Variants in AGBL1 observed in about 807,000 individuals in gnomAD.
The protein encoded by AGBL1 is cytosolic carboxypeptidase 4.
Under a neutral mutation model 118.9 loss-of-function variants are expected in AGBL1, and 130 were observed. The ratio of observed to expected loss-of-function variants is 1.09; its 90% confidence interval spans 0.95 to 1.26. AGBL1 has a LOEUF of 1.26. Among genes scored for constraint, AGBL1 ranks in the 50% most tolerant of loss-of-function variants. The pLI is 0.00. For missense variants in AGBL1, 1,584 were observed against 1,298.1 expected, an observed-to-expected ratio of 1.22 and a Z score of -3.38; for synonymous variants, 555 against 478.9, an observed-to-expected ratio of 1.16 and a Z score of -2.08.
intron 17 of AGBL1, among the ~76,000 whole-genome samples, chr15:86,346,172 G>A (rs552917129): frequency 1.3e-5 from 2 of 151,442 alleles, no homozygotes; most frequent in African/African-American, 4.8e-5. Flanking sequence ...TAGTAGAGAC[G>A]GGGTTTCACC....
chr15:86,223,045 C>T (rs1375282539), intron 5 of AGBL1, among the ~76,000 whole-genome samples: 1 of 152,170 alleles, frequency 6.6e-6, no homozygotes, highest in Non-Finnish European at 1.5e-5. Flanking sequence ...GAGACCCACA[C>T]TTTGAGTAGC....
chr15:86,321,268 T>C (rs144351304), intron 17 of AGBL1, among the ~76,000 whole-genome samples: 1 of 152,304 alleles, frequency 6.6e-6, no homozygotes, highest in East Asian at 1.9e-4. Flanking sequence ...TAATTAAAAT[T>C]CATGATTGAT....
rs573081002 is a variant in AGBL1, at chr15:86,365,047, A to G, written c.2375-32319A>G. On this transcript the variant is annotated intron_variant, in intron 17 of 22. Transcript: ENST00000614907. ...TATATACACACACATATATATACAC[A>G]CATATATATACACATATATATATAC... Among the ~76,000 whole-genome samples the G allele has an allele frequency of 3.6e-3, 527 of 145,306 alleles. 9 individuals carry two copies. The highest frequency in any genetic ancestry group is 0.013 in the African/African-American group (505 of 38,688).
chr15:86,394,058 T>C (rs993030055), intron 17 of AGBL1, among the ~76,000 whole-genome samples: 1 of 152,182 alleles, frequency 6.6e-6, no homozygotes, highest in Non-Finnish European at 1.5e-5. Context: ...TTCAGTTGTT[T>C]ATAAGCCACA....
At chr15:86,197,606 G>T (rs931766724) in intron 5 of AGBL1, among the ~76,000 whole-genome samples, 3 of 152,156 alleles carry the variant, frequency 2.0e-5, no homozygotes, top group African/African-American at 7.2e-5. Context: ...TTCTAGAGAA[G>T]AAAGAAATTG....
chr15:86,412,117 G>A (rs1007445558), intron 18 of AGBL1, among the ~76,000 whole-genome samples: 4 of 152,150 alleles, frequency 2.6e-5, no homozygotes, highest in African/African-American at 4.8e-5. Context: ...ATCAAAGCTT[G>A]GGAATTGCAA....
intron 22 of AGBL1, among the ~76,000 whole-genome samples, chr15:86,685,894 A>G (rs1391045223): frequency 6.6e-6 from 1 of 152,146 alleles, no homozygotes; most frequent in Non-Finnish European, 1.5e-5. Flanking sequence ...TATATAAATC[A>G]CTGTTCTTTA....
chr15:86,540,766 G>T (rs1304599838), intron 19 of AGBL1, among the ~76,000 whole-genome samples: 1 of 152,138 alleles, frequency 6.6e-6, no homozygotes, highest in East Asian at 1.9e-4. Context: ...GCAATTTGAA[G>T]AAACACATGT....
At chr15:86,845,884 C>T (rs2079310468) in intron 22 of AGBL1, among the ~76,000 whole-genome samples, 1 of 152,110 alleles carries the variant, frequency 6.6e-6, no homozygotes. Flanking sequence ...TATCTTTTCT[C>T]CCAAACCTGC....
intron 17 of AGBL1, among the ~76,000 whole-genome samples, chr15:86,334,183 A>G (rs1471246093): frequency 6.6e-6 from 1 of 152,198 alleles, no homozygotes; most frequent in Admixed American, 6.5e-5. Flanking sequence ...CAGCCAGAGC[A>G]TTCAGGCAAG....
chr15:86,842,012 A>G (rs1016307831), intron 22 of AGBL1, among the ~76,000 whole-genome samples: 1 of 152,152 alleles, frequency 6.6e-6, no homozygotes, highest in South Asian at 2.1e-4. Context: ...ATATTAGACA[A>G]TGAAGACAAG....
chr15:86,743,071 A>G (rs1427442635), intron 22 of AGBL1, among the ~76,000 whole-genome samples: 1 of 152,130 alleles, frequency 6.6e-6, no homozygotes, highest in Non-Finnish European at 1.5e-5. Flanking sequence ...ATGCATTTTG[A>G]AGACTCCCAA....
At chr15:86,393,979 C>T (rs1246724607) in intron 17 of AGBL1, among the ~76,000 whole-genome samples, 2 of 152,140 alleles carry the variant, frequency 1.3e-5, no homozygotes, top group Non-Finnish European at 2.9e-5. Flanking sequence ...GGCGGGGCCT[C>T]ACCAGGCACA....
chr15:86,958,314 G>A (rs1203969042), intron 23 of AGBL1, among the ~76,000 whole-genome samples: 5 of 152,042 alleles, frequency 3.3e-5, no homozygotes, highest in African/African-American at 1.2e-4. Flanking sequence ...TGCCCCTACA[G>A]GTGTGATGAT....
intron 3 of AGBL1, among the ~76,000 whole-genome samples, chr15:86,152,998 AAGTC>A (rs1701485054): frequency 6.6e-6 from 1 of 152,232 alleles, no homozygotes; most frequent in Admixed American, 6.5e-5. Context: ...AATCATTAAA[AAGTC>A]AGGAAACAAC....
chr15:86,649,953 G>T (rs2085343088), intron 21 of AGBL1, among the ~76,000 whole-genome samples: 2 of 152,090 alleles, frequency 1.3e-5, no homozygotes, highest in Non-Finnish European at 2.9e-5. Flanking sequence ...ATTTAACCAT[G>T]AAAATGGCCC....
intron 18 of AGBL1, among the ~76,000 whole-genome samples, chr15:86,490,155 ACTTT>A (rs1485297186): frequency 4.6e-5 from 7 of 151,984 alleles, no homozygotes; most frequent in African/African-American, 1.7e-4. Flanking sequence ...CTTATCTCGT[ACTTT>A]CTGTTATCTT....
At chr15:86,412,868 G>A (rs1347107569) in intron 18 of AGBL1, among the ~76,000 whole-genome samples, 1 of 152,102 alleles carries the variant, frequency 6.6e-6, no homozygotes, top group Non-Finnish European at 1.5e-5. Context: ...ACAATGCCAA[G>A]TACTTTACAT....
intron 21 of AGBL1, among the ~76,000 whole-genome samples, chr15:86,571,071 T>A (rs76389096): frequency 3.3e-5 from 5 of 152,258 alleles, no homozygotes; most frequent in Middle Eastern, 3.4e-3. Context: ...GGCCGAGCTG[T>A]GGCTGGACCG....
Sources: allele counts gnomAD v4.1 joint callset (sites outside exome capture counted in the v4.1 genomes callset), GRCh38; gene constraint gnomAD v4.1.1; transcripts MANE v1.5; gene names NCBI Gene and HGNC (gene_info 2026-07-23, HGNC 2026-07-21).